CLASP2: variants seen among roughly 807,000 people sequenced by gnomAD.
CLASP2 encodes CLIP-associating protein 2.
CLASP2 carries 47 observed loss-of-function variants against 194.4 expected under a neutral mutation model. That is an observed-to-expected ratio of 0.24 (90% CI 0.19 to 0.31). CLASP2 has a LOEUF of 0.31. Ranked by LOEUF, CLASP2 falls within the 10% of genes least tolerant of loss-of-function variation. The pLI, the probability that CLASP2 is intolerant of heterozygous loss-of-function variation, is 1.00. For synonymous variants in CLASP2, 619 were observed against 633.5 expected, an observed-to-expected ratio of 0.98 and a Z score of 0.34; for missense variants, 1,445 against 1,823.6, an observed-to-expected ratio of 0.79 and a Z score of 3.78.
intron 6 of CLASP2, among the ~76,000 whole-genome samples, chr3:33,674,103 G>T (rs1156578802): frequency 3.3e-5 from 5 of 152,060 alleles, no homozygotes; most frequent in Non-Finnish European, 5.9e-5. Flanking sequence ...CTAATAGACA[G>T]CTACAGAACT....
At chr3:33,585,190 C>T (rs2067078245) in intron 21 of CLASP2, among the ~76,000 whole-genome samples, 1 of 152,100 alleles carries the variant, frequency 6.6e-6, no homozygotes, top group Non-Finnish European at 1.5e-5. Flanking sequence ...ATAAGGAGAA[C>T]ATTATTATAA....
rs140006699 is a variant in CLASP2, at chr3:33,598,274, T to C, written c.1925-1540A>G. 4.6e-3 allele frequency among the ~76,000 whole-genome samples: 693 copies of C among 152,184 alleles called. 8 individuals carry two copies. The highest frequency in any genetic ancestry group is 0.016 in the African/African-American group (657 of 41,540). Reference sequence around the variant, plus strand: ...TGGCTATTCTAAACTTCAAGTCACCTGTTAGCACATGATCCTGACTCTGAA... The same window carrying C: ...TGGCTATTCTAAACTTCAAGTCACCCGTTAGCACATGATCCTGACTCTGAA... On this transcript the variant is annotated intron_variant, in intron 18 of 38. Transcript: ENST00000682230.
intron 29 of CLASP2, among the ~76,000 whole-genome samples, chr3:33,552,178 G>A (rs1000696915): frequency 1.3e-5 from 2 of 150,042 alleles, no homozygotes; most frequent in South Asian, 2.1e-4. Context: ...GAGTGTAATG[G>A]TGCGATCTCG....
intron 36 of CLASP2, among the ~76,000 whole-genome samples, chr3:33,512,785 C>T (rs747887781): frequency 2.7e-5 from 4 of 150,314 alleles, no homozygotes; most frequent in African/African-American, 4.9e-5. Context: ...GTCAGGAGAT[C>T]GAGACCACCC....
chr3:33,559,549 C>A (rs1196497901), intron 28 of CLASP2, among the ~76,000 whole-genome samples, 164 bp from the exon 29 acceptor site: 4 of 152,180 alleles, frequency 2.6e-5, no homozygotes, highest in African/African-American at 9.7e-5. Context: ...ACAATAAATG[C>A]ATCCTCAGAA....
At chr3:33,672,336 G>A (rs1199480730) in intron 6 of CLASP2, among the ~76,000 whole-genome samples, 1 of 152,218 alleles carries the variant, frequency 6.6e-6, no homozygotes, top group Non-Finnish European at 1.5e-5. Context: ...GGCAAACAGG[G>A]TCTGGAGTGG....
intron 16 of CLASP2, among the ~76,000 whole-genome samples, chr3:33,605,604 C>G (rs976303653): frequency 2.0e-4 from 31 of 152,076 alleles, no homozygotes; most frequent in African/African-American, 7.0e-4. Context: ...GGTCAAGATC[C>G]CAAAAAGAAA....
chr3:33,581,015 C>CAAAAA (rs34304858), intron 23 of CLASP2, among the ~76,000 whole-genome samples: 55 of 55,066 alleles, frequency 1.0e-3, no homozygotes, highest in East Asian at 1.6e-3. Context: ...GACTCCGTCT[C>CAAAAA]AAAAAAAAAA....
Position 33,510,670 on chromosome 3 carries a change from G to A in CLASP2, c.4205C>T (p.Ala1402Val). Residue 1402 changes from alanine (A) to valine (V), a missense_variant, in exon 37 of 39, where the codon GCA (alanine) becomes GTA (valine). Ala to Val is a moderately conservative substitution (Grantham distance 64, BLOSUM62 0). This residue lies in a region of CLASP2 where 732 missense variants were observed against 987.9 expected (regional missense o/e 0.74). Coordinates refer to ENST00000682230, the MANE Select transcript of CLASP2 (RefSeq NM_001365631.1). ...IKVLCPIIQT[A>V]DYPINLAAIK... is the part of the protein sequence containing the mutation. ...TGCAGCCAGATTAATTGGGTAGTCT[G>A]CAGTTTGAATGATAGGACAAAGCAC... 3 of 1,613,814 alleles carry A rather than the reference G, an allele frequency of 1.9e-6. No homozygotes were observed. Among genetic ancestry groups the A allele is most frequent in the Non-Finnish European group, 2.5e-6 (3 of 1,179,818 alleles).
chr3:33,610,192 T>G (rs1342474432), intron 13 of CLASP2, among the ~76,000 whole-genome samples: 1 of 152,206 alleles, frequency 6.6e-6, no homozygotes, highest in East Asian at 1.9e-4. Context: ...TCTCAATCAC[T>G]TTCATAGCTG....
chr3:33,649,134 G>A (rs895940551), intron 7 of CLASP2, among the ~76,000 whole-genome samples: 6 of 152,050 alleles, frequency 3.9e-5, no homozygotes, highest in African/African-American at 1.5e-4. Flanking sequence ...TGCTTCTTCT[G>A]CCTAGAATGC....
At chr3:33,597,442 C>T (rs1202092596) in intron 18 of CLASP2, among the ~76,000 whole-genome samples, 3 of 152,174 alleles carry the variant, frequency 2.0e-5, no homozygotes, top group African/African-American at 7.2e-5. Flanking sequence ...TTTGGATCCT[C>T]CCTGTATTAA....
intron 2 of CLASP2, 50 bp from the exon 3 acceptor site, chr3:33,689,982 T>A: frequency 8.4e-7 from 1 of 1,186,916 alleles, no homozygotes. Context: ...CTCATCTCCA[T>A]TAAAAACTAT....
At chr3:33,543,000 T>G (rs1246103619) in intron 32 of CLASP2, among the ~76,000 whole-genome samples, 2 of 152,226 alleles carry the variant, frequency 1.3e-5, no homozygotes, top group Non-Finnish European at 2.9e-5. Flanking sequence ...TTTTTTCATT[T>G]GCTAAGTTTC....
At chr3:33,576,423 T>C in intron 23 of CLASP2, 148 bp from the exon 24 acceptor site, 1 of 583,588 alleles carries the variant, frequency 1.7e-6, no homozygotes, top group Non-Finnish European at 3.0e-6. Flanking sequence ...TCTGGGCACA[T>C]TTAGTTTTTG....
intron 30 of CLASP2, among the ~76,000 whole-genome samples, chr3:33,548,749 C>T (rs112811508): frequency 0.035 from 5,234 of 148,246 alleles, 202 homozygotes; most frequent in African/African-American, 0.1. Flanking sequence ...TAGGTAACGA[C>T]TACGGTTTCA....
chr3:33,606,630 T>G lies in CLASP2; in HGVS notation c.1655A>C (p.Gln552Pro). 1 of 1,613,780 alleles carries G rather than the reference T, an allele frequency of 6.2e-7. No homozygotes were observed. Among genetic ancestry groups the G allele is most frequent in the Non-Finnish European group, 8.5e-7 (1 of 1,179,772 alleles). Residue 552 changes from glutamine to proline, a missense_variant, in exon 16 of 39, where the codon CAA becomes CCA. Coordinates refer to ENST00000682230, the MANE Select transcript of CLASP2 (RefSeq NM_001365631.1). ...KSSGSVASLP[Q>P]SDRSSSSSQE... The stretch of plus-strand genomic sequence containing the variant: ...TGAGCTGGATGAGGACCTGTCTGAT[T>G]GTGGAAGAGATGCTACACTGCCAGA...
intron 1 of CLASP2, among the ~76,000 whole-genome samples, chr3:33,707,142 C>T (rs1249037081): frequency 2.6e-5 from 4 of 152,094 alleles, no homozygotes; most frequent in Non-Finnish European, 5.9e-5. Flanking sequence ...GCTCATTCCC[C>T]AGTTGGAGCA....
chr3:33,684,948 G>C (rs543177284), intron 5 of CLASP2, among the ~76,000 whole-genome samples: 1 of 151,832 alleles, frequency 6.6e-6, no homozygotes, highest in South Asian at 2.1e-4. Context: ...GTTGCAGTGA[G>C]CCAAGATCGT....
Sources: gnomAD v4.1 joint callset for allele counts (sites outside exome capture counted in the v4.1 genomes callset) on GRCh38, gnomAD v4.1.1 for gene constraint, gnomAD v4.1.1 regional missense constraint, MANE v1.5 for transcripts, NCBI Gene and HGNC (gene_info 2026-07-23, HGNC 2026-07-21) for gene names.